FAM133A: variants seen among roughly 807,000 people sequenced by gnomAD.
The protein encoded by FAM133A is protein FAM133A.
For missense variants in FAM133A, 159 were observed against 164.4 expected (o/e 0.97, Z 0.18); for synonymous variants, 65 against 58.6 (o/e 1.11, Z -0.50).
At chrX:93,691,394 A>T (rs1439122590) in intron 2 of FAM133A, among the ~76,000 whole-genome samples, 3 of 112,121 alleles carry the variant, frequency 2.7e-5, no homozygotes, top group Non-Finnish European at 3.8e-5. Flanking sequence ...CCATTTGTTG[A>T]AAAGACTATC....
intron 3 of FAM133A, among the ~76,000 whole-genome samples, chrX:93,704,558 A>G (rs973998073): frequency 8.9e-5 from 10 of 112,148 alleles, no homozygotes; most frequent in Admixed American, 2.8e-4. Context: ...GTGAGAATTT[A>G]TCTACAATTA....
chrX:93,705,623 G>A (rs1013920271), intron 3 of FAM133A, among the ~76,000 whole-genome samples: 2 of 110,972 alleles, frequency 1.8e-5, no homozygotes, highest in Admixed American at 1.9e-4. Flanking sequence ...AGGCTATTAT[G>A]TGAGAAATAC....
At chrX:93,695,553 C>A (rs1926181269) in intron 2 of FAM133A, among the ~76,000 whole-genome samples, 1 of 106,335 alleles carries the variant, frequency 9.4e-6, no homozygotes, top group African/African-American at 3.4e-5. Flanking sequence ...ATGCCAGGCC[C>A]CTGAAGACAT....
chrX:93,698,359 C>A (rs1368470989), intron 2 of FAM133A, 38 bp from the exon 3 acceptor site: 1 of 111,543 alleles, frequency 9.0e-6, no homozygotes, highest in East Asian at 2.8e-4. Flanking sequence ...ATAACTTTGA[C>A]AAACATTATC....
chrX:93,685,915 C>T (rs1012148473), intron 2 of FAM133A, among the ~76,000 whole-genome samples: 14 of 110,232 alleles, frequency 1.3e-4, no homozygotes, highest in African/African-American at 4.3e-4. Context: ...TCAAGACCAG[C>T]CTGGCCAACA....
rs1927254212 is a variant in FAM133A at position 93,709,351 on chromosome X, A to G, written c.-69A>G. The G allele has an allele frequency of 2.8e-6, 3 of 1,069,980 alleles. No homozygotes were observed. Among genetic ancestry groups the G allele is most frequent in the Admixed American group, 3.8e-5 (1 of 26,199 alleles). 88.2% of individuals were successfully genotyped at this position (1,069,980 alleles called of 1,213,427 possible). A position where few individuals can be genotyped will look rare whatever the true frequency, so the allele number is the denominator to read the frequency against. ...TGCTTGATATTTCACTAGATAAAGAATTTAAGGCGAGTATCTATCTTTGTT... is the reference window on the plus strand; with the variant it reads ...TGCTTGATATTTCACTAGATAAAGAGTTTAAGGCGAGTATCTATCTTTGTT... On this transcript the variant is annotated 5_prime_UTR_variant, in exon 4 of 4. Coordinates refer to ENST00000683942, the MANE Select transcript of FAM133A (RefSeq NM_001171109.2).
chrX:93,677,434 T>G (rs1184853960), intron 2 of FAM133A, among the ~76,000 whole-genome samples: 1 of 111,687 alleles, frequency 9.0e-6, no homozygotes, highest in Non-Finnish European at 1.9e-5. Flanking sequence ...CTTGGACAAG[T>G]TGTATCTGAA....
intron 3 of FAM133A, among the ~76,000 whole-genome samples, chrX:93,698,912 G>A (rs1926502546): frequency 1.8e-5 from 2 of 111,092 alleles, no homozygotes; most frequent in South Asian, 7.6e-4. Context: ...GGGGAAAATG[G>A]TATTAAACAA....
chrX:93,680,759 C>G (rs927123887), intron 2 of FAM133A, among the ~76,000 whole-genome samples: 11 of 111,643 alleles, frequency 9.9e-5, no homozygotes, highest in African/African-American at 2.9e-4. Context: ...AACATCTCTT[C>G]AGATCTTTTA....
chrX:93,689,336 C>G (rs1925743909), intron 2 of FAM133A, among the ~76,000 whole-genome samples: 1 of 111,277 alleles, frequency 9.0e-6, no homozygotes, highest in Admixed American at 9.6e-5. Flanking sequence ...GCCACTGCAC[C>G]TGGCCACAGC....
At chrX:93,706,047 C>T (rs1024863369) in intron 3 of FAM133A, among the ~76,000 whole-genome samples, 1 of 112,102 alleles carries the variant, frequency 8.9e-6, no homozygotes, top group Admixed American at 9.5e-5. Flanking sequence ...CACCACTTAG[C>T]TGAGATTGCA....
chrX:93,675,564 C>A (rs778124953), intron 2 of FAM133A, among the ~76,000 whole-genome samples: 1 of 111,339 alleles, frequency 9.0e-6, no homozygotes, highest in Non-Finnish European at 1.9e-5. Flanking sequence ...GCATGTATTT[C>A]TATGCACTTG....
At chrX:93,683,742 G>T (rs968476774) in intron 2 of FAM133A, among the ~76,000 whole-genome samples, 15 of 111,194 alleles carry the variant, frequency 1.3e-4, no homozygotes, top group Admixed American at 1.2e-3. Flanking sequence ...TCGTGGTTTT[G>T]ATTTGCATAT....
intron 2 of FAM133A, among the ~76,000 whole-genome samples, chrX:93,678,067 A>G (rs976379013): frequency 5.4e-5 from 6 of 111,873 alleles, no homozygotes; most frequent in Non-Finnish European, 7.5e-5. Context: ...AGCCATTCTA[A>G]TAAGTATTCA....
In FAM133A at chrX:93,711,568, T is replaced by C. The variant is rs188929220; in HGVS notation, c.*1402T>C. On this transcript the variant is annotated 3_prime_UTR_variant, in exon 4 of 4. Transcript: ENST00000683942. Reference sequence around the variant, plus strand: ...GATGGAGGATGTGCTAATTGTAATGTCATAGGTACAAAGTATTTTGGCATG... The same window carrying C: ...GATGGAGGATGTGCTAATTGTAATGCCATAGGTACAAAGTATTTTGGCATG... The C allele has an allele frequency of 2.9e-3, 352 of 123,249 alleles. 2 individuals are homozygous for C. The highest frequency in any genetic ancestry group is 4.8e-3 in the Non-Finnish European group (253 of 53,219). The allele number at this position is 123,249 out of a possible 1,213,427, so 10.2% of individuals were successfully genotyped here.
rs769173480 is a variant in FAM133A at position 93,686,085 on chromosome X, G to A, written c.-193+11333G>A. On this transcript the variant is annotated intron_variant, in intron 2 of 3. Transcript: ENST00000683942. The stretch of plus-strand genomic sequence containing the variant: ...ATGGCGCCACTGCACTCCAGCCAGG[G>A]TGACAGAGTGAGACTCCATCTCAAA... Among the ~76,000 whole-genome samples the A allele has an allele frequency of 7.7e-5, 7 of 90,540 alleles. No homozygotes were observed. The South Asian group carries it at 4.1e-3, about 52-fold the overall frequency. 78.6% of individuals were successfully genotyped at this position (90,540 alleles called of 115,157 possible).
intron 3 of FAM133A, among the ~76,000 whole-genome samples, chrX:93,701,333 T>C (rs1926687090): frequency 9.0e-6 from 1 of 111,694 alleles, no homozygotes; most frequent in South Asian, 3.7e-4. Context: ...CTTAATAAGA[T>C]TTGTAATTTG....
intron 2 of FAM133A, among the ~76,000 whole-genome samples, chrX:93,689,272 C>T (rs1387294068): frequency 9.0e-6 from 1 of 110,536 alleles, no homozygotes; most frequent in Non-Finnish European, 1.9e-5. Context: ...AAACTCCTGA[C>T]CTCAGGTGAT....
intron 2 of FAM133A, among the ~76,000 whole-genome samples, chrX:93,685,701 A>C: frequency 8.9e-6 from 1 of 112,073 alleles, no homozygotes; most frequent in East Asian, 2.8e-4. Flanking sequence ...CGTTCCAACC[A>C]TCATTTCACT....
Sources: gnomAD v4.1 joint callset for allele counts (sites outside exome capture counted in the v4.1 genomes callset) on GRCh38, gnomAD v4.1.1 for gene constraint, MANE v1.5 for transcripts, NCBI Gene and HGNC (gene_info 2026-07-23, HGNC 2026-07-21) for gene names.